The following MEF2A variants were observed in gnomAD, a reference collection of about 807,000 sequenced individuals.
MEF2A encodes myocyte-specific enhancer factor 2A.
Under a neutral mutation model 55.8 loss-of-function variants are expected in MEF2A, and 28 were observed. That is an observed-to-expected ratio of 0.50 (90% CI 0.37 to 0.69). The LOEUF is 0.69. Among genes scored for constraint, MEF2A ranks in the 30% least tolerant of loss-of-function variants. The pLI is 0.00. For missense variants in MEF2A, 528 were observed against 626.2 expected, an observed-to-expected ratio of 0.84 and a Z score of 1.67; for synonymous variants, 239 against 227.1, an observed-to-expected ratio of 1.05 and a Z score of -0.47.
intron 8 of MEF2A, among the ~76,000 whole-genome samples, chr15:99,702,164 C>T (rs192855897): frequency 3.2e-4 from 49 of 152,308 alleles, no homozygotes; most frequent in Admixed American, 3.9e-4. Context: ...TGAATAGCAT[C>T]TTGCCCACAT....
rs547847575 is a variant in MEF2A at position 99,582,238 on chromosome 15, C to CT, written c.-225+16140dup. Among the ~76,000 whole-genome samples, 25 of 152,068 alleles carry CT rather than the reference C, an allele frequency of 1.6e-4. No individual in the cohort carries two copies. In the East Asian group the frequency reaches 3.1e-3, roughly 19 times the overall value. On this transcript the variant is annotated intron_variant, in intron 1 of 11. Transcript: ENST00000557942. ...GCCTTAAAGAATAATGCTGAAGATACTTTTTTAGAAAGCATAGTGATAGGC... is the reference window on the plus strand; with the variant it reads ...GCCTTAAAGAATAATGCTGAAGATACTTTTTTTAGAAAGCATAGTGATAGGC...
intron 2 of MEF2A, among the ~76,000 whole-genome samples, chr15:99,622,287 A>T (rs1006398494): frequency 6.6e-6 from 1 of 152,054 alleles, no homozygotes; most frequent in Non-Finnish European, 1.5e-5. Flanking sequence ...AGGACTTGGG[A>T]TTTAATTGGA....
At chr15:99,677,627 A>G (rs1258668088) in intron 7 of MEF2A, among the ~76,000 whole-genome samples, 1 of 152,220 alleles carries the variant, frequency 6.6e-6, no homozygotes, top group Non-Finnish European at 1.5e-5. Context: ...AAGCAAAGTC[A>G]GAGAAAATTG....
In MEF2A at chr15:99,674,518, A is replaced by G; in HGVS notation, c.516A>G (p.Leu172=). 4 of 1,613,956 alleles carry G rather than the reference A, an allele frequency of 2.5e-6. No individual in the cohort carries two copies. The highest frequency in any genetic ancestry group is 2.2e-5 in the East Asian group (1 of 44,870). ...CATCTTTGGCAGCCAGCTCAACGTT[A>G]ACAGATTCAAGCATGCTCTCTCCAC... ...VSPSLAASST[L]TDSSMLSPPQ... is the part of the protein sequence containing the mutation. The change falls in exon 6 of 12, where the codon TTA becomes TTG. Residue 172 remains leucine, a synonymous_variant. Transcript: ENST00000557942.
At chr15:99,578,259 A>G (rs1007376130) in intron 1 of MEF2A, among the ~76,000 whole-genome samples, 5 of 151,974 alleles carry the variant, frequency 3.3e-5, no homozygotes, top group African/African-American at 7.3e-5. Flanking sequence ...TCCCTCGTTT[A>G]TTTATTCATT....
At position 99,634,091 on chromosome 15, in the gene MEF2A, A is replaced by G. The variant is rs530237704; in HGVS notation, c.54+918A>G. On this transcript the variant is annotated intron_variant, in intron 3 of 11. Coordinates refer to ENST00000557942, the MANE Select transcript of MEF2A (RefSeq NM_001319206.4). Reference sequence around the variant, plus strand: ...GCTATCTCTGGGAAAGTTGCGTATCAGGAGAAGTTTCAAGAACAAGTGGTT... The same window carrying G: ...GCTATCTCTGGGAAAGTTGCGTATCGGGAGAAGTTTCAAGAACAAGTGGTT... 2.6e-5 allele frequency among the ~76,000 whole-genome samples: 4 copies of G among 152,358 alleles called. No homozygotes were observed. In the South Asian group the frequency reaches 8.3e-4, roughly 32 times the overall value.
chr15:99,642,878 T>C (rs2045279471), intron 3 of MEF2A, among the ~76,000 whole-genome samples: 1 of 152,212 alleles, frequency 6.6e-6, no homozygotes. Context: ...AAATTTGTAG[T>C]TAGGGATTCT....
rs1267784942 is a variant in MEF2A, at chr15:99,716,144, CT to C, written c.*3374del. ...CTCTGTAGAAACTTTCTTCACTTTGCTGTGCAAGAAGACACTGCTTTGCTAT... is the reference window on the plus strand; with the variant it reads ...CTCTGTAGAAACTTTCTTCACTTTGCGTGCAAGAAGACACTGCTTTGCTAT... On this transcript the variant is annotated 3_prime_UTR_variant, in exon 12 of 12. Coordinates refer to ENST00000557942, the MANE Select transcript of MEF2A (RefSeq NM_001319206.4). The C allele has an allele frequency of 6.3e-6, 1 of 158,810 alleles. No individual in the cohort carries two copies. The highest frequency in any genetic ancestry group is 1.4e-5 in the Non-Finnish European group (1 of 71,858). 9.8% of individuals were successfully genotyped at this position (158,810 alleles called of 1,614,324 possible).
chr15:99,590,334 A>G (rs1317291770), intron 1 of MEF2A, among the ~76,000 whole-genome samples: 2 of 143,868 alleles, frequency 1.4e-5, no homozygotes, highest in African/African-American at 2.5e-5. Context: ...TTTCTATTTT[A>G]TGTTTCCTAT....
chr15:99,626,249 A>G (rs530757578), intron 2 of MEF2A, among the ~76,000 whole-genome samples: 5 of 152,198 alleles, frequency 3.3e-5, no homozygotes, highest in Admixed American at 3.3e-4. Context: ...AGTTGTTGGT[A>G]TATAGCTGTT....
intron 9 of MEF2A, among the ~76,000 whole-genome samples, chr15:99,704,695 G>A: frequency 6.6e-6 from 1 of 152,200 alleles, no homozygotes; most frequent in South Asian, 2.1e-4. Flanking sequence ...ATGATGCCAT[G>A]GAGTAGGTAG....
chr15:99,698,314 C>G (rs1247442372), intron 8 of MEF2A, among the ~76,000 whole-genome samples: 1 of 152,140 alleles, frequency 6.6e-6, no homozygotes, highest in Non-Finnish European at 1.5e-5. Flanking sequence ...TTTAAGAATT[C>G]TTAAAACCCA....
chr15:99,702,705 G>A (rs2057562950), intron 8 of MEF2A, among the ~76,000 whole-genome samples: 2 of 152,004 alleles, frequency 1.3e-5, no homozygotes, highest in Non-Finnish European at 2.9e-5. Flanking sequence ...CATGACTTAT[G>A]AATTCATTTC....
intron 7 of MEF2A, among the ~76,000 whole-genome samples, chr15:99,676,679 T>TCTC (rs2052142212): frequency 6.6e-6 from 1 of 151,908 alleles, no homozygotes; most frequent in East Asian, 2.0e-4. Context: ...TTCACGCCAT[T>TCTC]CTGCCTCAGC....
chr15:99,654,561 T>TAAAA (rs965708524), intron 4 of MEF2A, among the ~76,000 whole-genome samples: 1 of 128,672 alleles, frequency 7.8e-6, no homozygotes, highest in African/African-American at 3.0e-5. Context: ...AATAAATAAA[T>TAAAA]AAAAATAAAT....
At chr15:99,600,449 A>C (rs1447743608) in intron 2 of MEF2A, among the ~76,000 whole-genome samples, 1 of 152,114 alleles carries the variant, frequency 6.6e-6, no homozygotes, top group East Asian at 1.9e-4. Context: ...TTTTCTTTAC[A>C]ATTCTGCTGC....
chr15:99,595,933 G>A (rs1351056398), intron 1 of MEF2A, among the ~76,000 whole-genome samples: 1 of 152,178 alleles, frequency 6.6e-6, no homozygotes, highest in Non-Finnish European at 1.5e-5. Context: ...GGACCAGGCT[G>A]TCTCCCTTTT....
intron 1 of MEF2A, among the ~76,000 whole-genome samples, chr15:99,590,628 C>T (rs868213701): frequency 8.6e-5 from 13 of 151,348 alleles, no homozygotes; most frequent in Middle Eastern, 6.8e-3. Context: ...ATTTAATCTA[C>T]TTTCTTGGTT....
chr15:99,611,663 T>G (rs1012831058), intron 2 of MEF2A, among the ~76,000 whole-genome samples: 8 of 152,344 alleles, frequency 5.3e-5, no homozygotes, highest in Non-Finnish European at 7.3e-5. Flanking sequence ...GCAGTTCTGC[T>G]CCTAGCGATA....
Sources: gnomAD v4.1 joint callset for allele counts (sites outside exome capture counted in the v4.1 genomes callset) on GRCh38, gnomAD v4.1.1 for gene constraint, MANE v1.5 for transcripts, NCBI Gene and HGNC (gene_info 2026-07-23, HGNC 2026-07-21) for gene names.